STT3B: variants seen among roughly 807,000 people sequenced by gnomAD.
STT3B encodes dolichyl-diphosphooligosaccharide--protein glycosyltransferase subunit STT3B.
In STT3B, 29 loss-of-function variants were observed where a neutral mutation model predicts 96.8. The observed-to-expected ratio is 0.30, with a 90% CI of 0.22 to 0.41. The LOEUF (loss-of-function observed/expected upper bound fraction) is 0.41. STT3B is among the 10% of genes least tolerant of loss of function. The probability of loss-of-function intolerance (pLI) is 1.00; values close to 1 mark genes in which losing one functional copy is unlikely to be tolerated. For missense variants in STT3B, 640 were observed against 1,022.3 expected (o/e 0.63, Z 5.10); for synonymous variants, 367 against 360.0 (o/e 1.02, Z -0.22).
chr3:31,582,508 T>C (rs1296932314), intron 3 of STT3B, among the ~76,000 whole-genome samples: 1 of 152,072 alleles, frequency 6.6e-6, no homozygotes, highest in Admixed American at 6.5e-5. Context: ...TTGGTCAGGC[T>C]GGTCTTGAAC....
intron 1 of STT3B, among the ~76,000 whole-genome samples, chr3:31,545,814 G>GTTT (rs11350127): frequency 1.4e-5 from 2 of 138,120 alleles, no homozygotes; most frequent in Admixed American, 7.2e-5. Context: ...ATTAGGAGTG[G>GTTT]TTTTTTTTTT....
chr3:31,619,915 A>C, intron 9 of STT3B, 85 bp downstream of exon 9: 1 of 1,518,944 alleles, frequency 6.6e-7, no homozygotes, highest in Non-Finnish European at 8.8e-7. Context: ...TTGTTTTTCT[A>C]TGTTTGACTC....
intron 1 of STT3B, among the ~76,000 whole-genome samples, chr3:31,560,292 T>C (rs954628160): frequency 1.3e-5 from 2 of 152,072 alleles, no homozygotes; most frequent in African/African-American, 4.8e-5. Context: ...GGTTTGGTGG[T>C]TTTCTGTAGT....
At chr3:31,552,496 C>T (rs1300663158) in intron 1 of STT3B, among the ~76,000 whole-genome samples, 2 of 152,102 alleles carry the variant, frequency 1.3e-5, no homozygotes, top group African/African-American at 4.8e-5. Context: ...AAAACTTATA[C>T]TTACTACATT....
intron 1 of STT3B, among the ~76,000 whole-genome samples, chr3:31,554,776 T>G (rs181210181): frequency 3.7e-4 from 57 of 152,296 alleles, no homozygotes; most frequent in Admixed American, 3.5e-3. Context: ...CCAGAAAGAT[T>G]AAAAACCCTG....
chr3:31,620,766 T>C (rs1351366430), intron 9 of STT3B, among the ~76,000 whole-genome samples: 1 of 152,222 alleles, frequency 6.6e-6, no homozygotes, highest in Non-Finnish European at 1.5e-5. Flanking sequence ...GTGCACAGGA[T>C]CACACCAGTT....
intron 3 of STT3B, among the ~76,000 whole-genome samples, chr3:31,583,797 T>TA (rs1698470504): frequency 6.6e-6 from 1 of 152,196 alleles, no homozygotes; most frequent in Non-Finnish European, 1.5e-5. Context: ...ATTTCTCCAT[T>TA]AGTCTTCTTT....
At chr3:31,583,814 T>C (rs1159238580) in intron 3 of STT3B, among the ~76,000 whole-genome samples, 1 of 152,212 alleles carries the variant, frequency 6.6e-6, no homozygotes, top group African/African-American at 2.4e-5. Flanking sequence ...CTTTTGTGTT[T>C]AGTGGATTCT....
At chr3:31,595,875 T>C (rs1222692238) in intron 3 of STT3B, among the ~76,000 whole-genome samples, 5 of 152,212 alleles carry the variant, frequency 3.3e-5, no homozygotes, top group Non-Finnish European at 7.3e-5. Flanking sequence ...ACCACCTCAG[T>C]AAAGCTTCTG....
intron 5 of STT3B, among the ~76,000 whole-genome samples, chr3:31,606,414 C>T (rs1699055410): frequency 6.6e-6 from 1 of 152,206 alleles, no homozygotes; most frequent in Non-Finnish European, 1.5e-5. Flanking sequence ...GCCCAGGACC[C>T]TCCCTGCTGA....
intron 5 of STT3B, among the ~76,000 whole-genome samples, chr3:31,607,944 G>A (rs986914432): frequency 1.3e-5 from 2 of 151,996 alleles, no homozygotes; most frequent in African/African-American, 4.8e-5. Context: ...CAAAATATTT[G>A]GGATTACACC....
intron 1 of STT3B, among the ~76,000 whole-genome samples, chr3:31,557,462 G>T (rs916906560): frequency 1.3e-5 from 2 of 152,060 alleles, no homozygotes; most frequent in Non-Finnish European, 2.9e-5. Context: ...ACTGCTTTGG[G>T]CAGTATGCTC....
intron 1 of STT3B, among the ~76,000 whole-genome samples, chr3:31,569,390 T>C (rs979020173): frequency 3.3e-5 from 5 of 152,160 alleles, no homozygotes; most frequent in African/African-American, 1.2e-4. Context: ...AAATTTAATA[T>C]CTTCTTGCTA....
intron 5 of STT3B, among the ~76,000 whole-genome samples, chr3:31,612,844 G>C (rs1291199951): frequency 6.6e-6 from 1 of 152,166 alleles, no homozygotes; most frequent in Non-Finnish European, 1.5e-5. Context: ...CATTTGAAGA[G>C]AAAGTATGAA....
chr3:31,549,665 CTT>C (rs1444241057), intron 1 of STT3B, among the ~76,000 whole-genome samples: 2 of 151,902 alleles, frequency 1.3e-5, no homozygotes, highest in African/African-American at 2.4e-5. Context: ...TAGAAATCCT[CTT>C]TATATAGTAT....
intron 14 of STT3B, among the ~76,000 whole-genome samples, chr3:31,631,302 T>G (rs990213332): frequency 6.6e-6 from 1 of 152,228 alleles, no homozygotes; most frequent in Admixed American, 6.5e-5. Flanking sequence ...TTTAGGTTTT[T>G]GTTTGTGTTT....
Position 31,533,150 on chromosome 3 carries a change from C to T in STT3B, c.152C>T (p.Pro51Leu). ...AHKAAGGAAP[P>L]KPAPAGLSGG... ...AAGGCGGCGGGCGGCGCGGCGCCGC[C>T]GAAGCCGGCCCCGGCGGGGCTGTCC... Residue 51 changes from proline (P) to leucine (L), a missense_variant, in exon 1 of 16, where the codon CCG becomes CTG. Physicochemically the swap from Pro to Leu is moderately conservative, Grantham distance 98. Around this residue, in one of 8 missense-constraint regions of STT3B, gnomAD observed 89 missense variants for 81.7 expected, o/e 1.09. Transcript: ENST00000295770. 7.7e-7 allele frequency: 1 copy of T among 1,294,318 alleles called. No homozygotes were observed. Among genetic ancestry groups the T allele is most frequent in the Non-Finnish European group, 9.8e-7 (1 of 1,021,224 alleles). 80.2% of individuals were successfully genotyped at this position (1,294,318 alleles called of 1,614,324 possible). A position where few individuals can be genotyped will look rare whatever the true frequency, so the allele number is the denominator to read the frequency against.
At chr3:31,569,123 C>T (rs1183374192) in intron 1 of STT3B, among the ~76,000 whole-genome samples, 4 of 152,124 alleles carry the variant, frequency 2.6e-5, no homozygotes, top group African/African-American at 9.7e-5. Flanking sequence ...GATCCGCCTG[C>T]CTTAGCCTCC....
intron 9 of STT3B, among the ~76,000 whole-genome samples, chr3:31,621,653 A>G (rs533765307): frequency 1.2e-4 from 18 of 152,298 alleles, no homozygotes; most frequent in Admixed American, 1.0e-3. Context: ...CCTTTGATTA[A>G]TAACTTACGT....
Sources: allele counts gnomAD v4.1 joint callset (sites outside exome capture counted in the v4.1 genomes callset), GRCh38; gene constraint gnomAD v4.1.1; regional missense constraint gnomAD v4.1.1; transcripts MANE v1.5; gene names NCBI Gene and HGNC (gene_info 2026-07-23, HGNC 2026-07-21).